Variants in PCDHGB3 observed in about 807,000 individuals in gnomAD.
PCDHGB3 encodes the protein protocadherin gamma-B3.
In PCDHGB3, 40 loss-of-function variants were observed where a neutral mutation model predicts 59.2. The ratio of observed to expected loss-of-function variants is 0.68; its 90% CI spans 0.52 to 0.88. The LOEUF is 0.88. PCDHGB3 is among the 40% of genes least tolerant of loss of function. The pLI, the probability that PCDHGB3 is intolerant of heterozygous loss-of-function variation, is 0.00. For synonymous variants in PCDHGB3, 581 were observed against 503.6 expected, an observed-to-expected ratio of 1.15 and a Z score of -2.06; for missense variants, 1,309 against 1,187.9, an observed-to-expected ratio of 1.10 and a Z score of -1.50.
rs1482322150 is a variant in PCDHGB3, at chr5:141,485,119, C to T, written c.2416-9688C>T. On this transcript the variant is annotated intron_variant, in intron 1 of 3. Transcript: ENST00000576222. This position sits in a 1 kb window ranked among gnomAD's most constrained non-coding sequence, Gnocchi z 5.7. ...CTCCAGCTGCTGTGGCTGTTTGGGGCGGGTCGGCTTCATCCGCGTCTCAGG... is the reference window on the plus strand; with the variant it reads ...CTCCAGCTGCTGTGGCTGTTTGGGGTGGGTCGGCTTCATCCGCGTCTCAGG... 9.8e-6 allele frequency: 13 copies of T among 1,328,806 alleles called. No individual in the cohort carries two copies. The East Asian group carries it at 1.8e-4, about 19-fold the overall frequency. 82.3% of individuals were successfully genotyped at this position (1,328,806 alleles called of 1,614,324 possible). A position where few individuals can be genotyped will look rare whatever the true frequency, so the allele number is the denominator to read the frequency against.
intron 1 of PCDHGB3, chr5:141,377,847 A>G (rs1774398188): frequency 6.6e-6 from 1 of 152,152 alleles, no homozygotes; most frequent in Non-Finnish European, 1.5e-5. Flanking sequence ...TCTTCCAATT[A>G]AAATTAAGAT....
chr5:141,423,940 G>A (rs937456850), intron 1 of PCDHGB3: 1 of 1,217,098 alleles, frequency 8.2e-7, no homozygotes, highest in Non-Finnish European at 1.0e-6. Flanking sequence ...TTTGAAGTAA[G>A]TTGAATTTTA....
rs760680204 is a variant in PCDHGB3, at chr5:141,477,505, CG to C, written c.2416-17301del. ...CACAATCTTCTCAATCTTCCTACGA[CG>C]TTTACATTGAAGAAAACAACCTCCC... On this transcript the variant is annotated intron_variant, in intron 1 of 3. Coordinates refer to ENST00000576222, the MANE Select transcript of PCDHGB3 (RefSeq NM_018924.5). The surrounding 1 kb of genome is among the most constrained non-coding windows in gnomAD (Gnocchi z 4.9). The C allele has an allele frequency of 1.2e-5, 19 of 1,614,008 alleles. No individual in the cohort carries two copies. The highest frequency in any genetic ancestry group is 8.5e-7 in the Non-Finnish European group (1 of 1,180,018).
chr5:141,494,897 C>T (rs1194879883), intron 2 of PCDHGB3, 32 bp downstream of exon 2: 2 of 1,614,122 alleles, frequency 1.2e-6, no homozygotes, highest in South Asian at 2.2e-5. Flanking sequence ...CCACCCTCTT[C>T]TCTGCGGCAT....
chr5:141,441,633 C>T, intron 1 of PCDHGB3: 1 of 226,756 alleles, frequency 4.4e-6, no homozygotes, highest in Non-Finnish European at 8.9e-6. Flanking sequence ...CCTGGAGCCA[C>T]AGGCGCTGTG....
chr5:141,416,819 G>A (rs952251457), intron 1 of PCDHGB3: 5 of 151,982 alleles, frequency 3.3e-5, no homozygotes, highest in African/African-American at 9.7e-5. Flanking sequence ...AAAGCATTCC[G>A]AAGTTTCTCA....
intron 1 of PCDHGB3, among the ~76,000 whole-genome samples, chr5:141,466,800 C>T (rs189985735): frequency 6.6e-6 from 1 of 152,240 alleles, no homozygotes; most frequent in East Asian, 1.9e-4. Context: ...AAACTAGATC[C>T]TATTCAGACA....
chr5:141,480,122 C>T (rs576224922), intron 1 of PCDHGB3, among the ~76,000 whole-genome samples: 1 of 151,948 alleles, frequency 6.6e-6, no homozygotes, highest in African/African-American at 2.4e-5. Flanking sequence ...CCTGGCATAT[C>T]ATAACTGTTA....
intron 1 of PCDHGB3, chr5:141,408,394 C>T: frequency 6.2e-7 from 1 of 1,614,034 alleles, no homozygotes; most frequent in Non-Finnish European, 8.5e-7. Flanking sequence ...TGTCGGCTCG[C>T]AAGCTGCGAG....
At chr5:141,384,266 C>A in intron 1 of PCDHGB3, 1 of 1,613,876 alleles carries the variant, frequency 6.2e-7, no homozygotes, top group Non-Finnish European at 8.5e-7. Context: ...CCCCACTCAT[C>A]CTACTCAGTC....
In PCDHGB3 at chr5:141,371,927, C is replaced by T. The variant is rs750914672; in HGVS notation, c.1533C>T (p.Ser511=). ...CCTACGTGTCCGTGAGCGCGCGGAG[C>T]GGGGTGGTGTTCGCGCAGCGAGCCT... ...LSSYVSVSAR[S]GVVFAQRAFD... is the part of the protein sequence containing the mutation. Residue 511 remains serine, a synonymous_variant, in exon 1 of 4, where the codon AGC becomes AGT. Coordinates refer to ENST00000576222, the MANE Select transcript of PCDHGB3 (RefSeq NM_018924.5). 3 of 1,613,208 alleles carry T rather than the reference C, an allele frequency of 1.9e-6. No individual in the cohort carries two copies.
In PCDHGB3 at chr5:141,418,429, A is replaced by G. The variant is rs765952024; in HGVS notation, c.2415+45620A>G. ...AGAAAGACAATCCTGATGGTGGCAAATATCCAGAATTAGTATTGCAGAAGA... is the reference window on the plus strand; with the variant it reads ...AGAAAGACAATCCTGATGGTGGCAAGTATCCAGAATTAGTATTGCAGAAGA... On this transcript the variant is annotated intron_variant, in intron 1 of 3. Transcript: ENST00000576222. 8.7e-6 allele frequency: 14 copies of G among 1,613,972 alleles called. No homozygotes were observed. In the South Asian group the frequency reaches 1.5e-4, roughly 18 times the overall value.
At chr5:141,402,458 T>C (rs886690950) in intron 1 of PCDHGB3, among the ~76,000 whole-genome samples, 2 of 152,178 alleles carry the variant, frequency 1.3e-5, no homozygotes, top group Non-Finnish European at 2.9e-5. Flanking sequence ...ATAGTTTACA[T>C]ATCTAGAAAT....
intron 1 of PCDHGB3, among the ~76,000 whole-genome samples, chr5:141,434,692 A>G (rs891952554): frequency 8.5e-5 from 13 of 152,082 alleles, no homozygotes; most frequent in African/African-American, 2.4e-4. Flanking sequence ...CTTGCTGTTA[A>G]TAAATATGTG....
intron 1 of PCDHGB3, chr5:141,441,995 G>T: frequency 8.1e-6 from 2 of 246,740 alleles, no homozygotes; most frequent in Non-Finnish European, 8.0e-6. Flanking sequence ...CCGACGAGGT[G>T]CTGACAGCTC....
At position 141,505,383 on chromosome 5, in the gene PCDHGB3, C is replaced by G. The variant is rs369765886; in HGVS notation, c.2475-10C>G. On this transcript the variant is annotated splice_polypyrimidine_tract_variant and intron_variant, in intron 2 of 3. Transcript: ENST00000576222. ...GGGAGTCTGTGCTCACCATCCTACT[C>G]TCTCCCCAGCTCCCAAAATGGCGAT... The G allele has an allele frequency of 6.2e-7, 1 of 1,613,944 alleles. No homozygotes were observed. The highest frequency in any genetic ancestry group is 1.3e-5 in the African/African-American group (1 of 74,914).
chr5:141,389,538 G>A (rs772693461), intron 1 of PCDHGB3: 1 of 1,613,186 alleles, frequency 6.2e-7, no homozygotes, highest in Admixed American at 1.7e-5. Context: ...GTTAGTGGAC[G>A]ACCGCAACGA....
intron 1 of PCDHGB3, chr5:141,388,667 G>A (rs1561620639): frequency 1.2e-6 from 2 of 1,613,918 alleles, no homozygotes; most frequent in Non-Finnish European, 8.5e-7. Flanking sequence ...GGACCACGGT[G>A]CTACAGGTGA....
At chr5:141,423,940 G>T in intron 1 of PCDHGB3, 1 of 1,217,216 alleles carries the variant, frequency 8.2e-7, no homozygotes, top group Non-Finnish European at 1.0e-6. Context: ...TTTGAAGTAA[G>T]TTGAATTTTA....
Sources: allele counts gnomAD v4.1 joint callset (sites outside exome capture counted in the v4.1 genomes callset), GRCh38; gene constraint gnomAD v4.1.1; non-coding constraint Gnocchi (gnomAD v3.1); transcripts MANE v1.5; gene names NCBI Gene and HGNC (gene_info 2026-07-23, HGNC 2026-07-21).